MSH6: variants seen among roughly 807,000 people sequenced by gnomAD.
The protein encoded by MSH6 is mutS homolog 6.
A neutral mutation model predicts 119.1 loss-of-function variants in MSH6; 85 were observed. The ratio of observed to expected loss-of-function variants is 0.71; its 90% CI spans 0.60 to 0.85. MSH6 has a LOEUF of 0.85. Among genes scored for constraint, MSH6 ranks in the 40% least tolerant of loss-of-function variants. The probability of loss-of-function intolerance (pLI) is 0.00; values close to 1 mark genes in which losing one functional copy is unlikely to be tolerated. For missense variants in MSH6, 2,163 were observed against 1,655.3 expected, an observed-to-expected ratio of 1.31 and a Z score of -5.32; for synonymous variants, 830 against 586.9, an observed-to-expected ratio of 1.41 and a Z score of -5.99.
rs528399386 is a variant in MSH6 at position 47,806,793 on chromosome 2, C to G, written c.4016C>G (p.Ala1339Gly). The G allele has an allele frequency of 3.1e-6, 5 of 1,595,222 alleles. No individual in the cohort carries two copies. The South Asian group carries it at 4.5e-5, about 14-fold the overall frequency. Reference sequence around the variant, plus strand: ...TTAATTTTAAGGGAAGTTTGCCTGGCTAGTGAAAGGTCAACTGTAGATGCT... The same window carrying G: ...TTAATTTTAAGGGAAGTTTGCCTGGGTAGTGAAAGGTCAACTGTAGATGCT... ...SLRLFREVCL[A>G]SERSTVDAEA... The change falls in exon 10 of 10, where the codon GCT becomes GGT. Residue 1339 changes from alanine (A) to glycine (G), a missense_variant. Coordinates refer to ENST00000234420, the MANE Select transcript of MSH6 (RefSeq NM_000179.3).
chr2:47,793,655 A>G (rs894504450), intron 2 of MSH6, among the ~76,000 whole-genome samples: 10 of 151,864 alleles, frequency 6.6e-5, no homozygotes, highest in Non-Finnish European at 1.5e-4. Context: ...TAAATAAAGT[A>G]AAAAGATCTC....
Position 47,791,030 on chromosome 2 carries a change from G to A in MSH6, c.364G>A (p.Glu122Lys), listed in dbSNP as rs143036974. The A allele has an allele frequency of 2.7e-5, 43 of 1,614,106 alleles. No individual in the cohort carries two copies. In the Admixed American group the frequency reaches 3.7e-4, roughly 14 times the overall value. Residue 122 changes from glutamate to lysine, a missense_variant, in exon 2 of 10, where the codon GAG becomes AAG. Coordinates refer to ENST00000234420, the MANE Select transcript of MSH6 (RefSeq NM_000179.3). ...NHPFDGTFIR[E>K]KGKSVRVHVQ... ...CCCCTTTGATGGAACATTCATCCGC[G>A]AGAAAGGGAAATCAGTCCGTGTTCA...
At position 47,805,829 on chromosome 2, in the gene MSH6, C is replaced by G. The variant is rs1407956118; in HGVS notation, c.3646+122C>G. On this transcript the variant is annotated intron_variant, in intron 7 of 9. Transcript: ENST00000234420. Reference sequence around the variant, plus strand: ...AATATGAATGTTTTTAGAGCACGCACTCACCATTGTGGCACAGACCGATAG... The same window carrying G: ...AATATGAATGTTTTTAGAGCACGCAGTCACCATTGTGGCACAGACCGATAG... 3 of 827,666 alleles carry G rather than the reference C, an allele frequency of 3.6e-6. No homozygotes were observed. In the Admixed American group the frequency reaches 6.0e-5, roughly 16 times the overall value. The allele number at this position is 827,666 out of a possible 1,614,324, so 51.3% of individuals were successfully genotyped here.
chr2:47,796,672 T>C (rs1456806060), intron 3 of MSH6, among the ~76,000 whole-genome samples: 4 of 152,214 alleles, frequency 2.6e-5, no homozygotes, highest in Non-Finnish European at 5.9e-5. Context: ...AATTAAAACT[T>C]GTTAGGGGCC....
chr2:47,783,727 G>A lies in MSH6; in HGVS notation c.260+234G>A, dbSNP rs1334128253. On this transcript the variant is annotated intron_variant, in intron 1 of 9. Coordinates refer to ENST00000234420, the MANE Select transcript of MSH6 (RefSeq NM_000179.3). ...AGGCTGTGCAGGAAGAGGGCTGCAG[G>A]GGAGACGCGGAGAGTTCGGGCCTTT... The A allele has an allele frequency of 8.0e-6, 4 of 498,174 alleles. No homozygotes were observed. In the South Asian group the frequency reaches 2.4e-4, roughly 30 times the overall value. The allele number at this position is 498,174 out of a possible 1,614,324, so 30.9% of individuals were successfully genotyped here. A position where few individuals can be genotyped will look rare whatever the true frequency, so the allele number is the denominator to read the frequency against.
At chr2:47,808,484 C>T (rs567295575), downstream of MSH6, 2 of 1,439,474 alleles carry the variant, frequency 1.4e-6, no homozygotes, top group African/African-American at 1.4e-5. Flanking sequence ...GCAAAACATT[C>T]CATTCTGTTT....
At chr2:47,809,759 A>G (rs1196435297), downstream of MSH6, 4 of 1,210,344 alleles carry the variant, frequency 3.3e-6, no homozygotes, top group Non-Finnish European at 3.6e-6. Flanking sequence ...CTGCTTCTTA[A>G]AAACCTGAAA....
chr2:47,799,127 C>T lies in MSH6; in HGVS notation c.1144C>T (p.His382Tyr), dbSNP rs587779207. 1.3e-5 allele frequency: 21 copies of T among 1,614,028 alleles called. No homozygotes were observed. The highest frequency in any genetic ancestry group is 6.7e-5 in the East Asian group (3 of 44,898). Residue 382 changes from histidine (H) to tyrosine (Y), a missense_variant, in exon 4 of 10, where the codon CAC becomes TAC. Physicochemically the swap from His to Tyr is moderately conservative, Grantham distance 83. Transcript: ENST00000234420. ...TAAGGAGGAAAAGAGAAGAGATGAG[C>T]ACAGGAGGAGGCCTGATCACCCCGA... The part of the protein sequence containing the change: ...WLKEEKRRDE[H>Y]RRRPDHPDFD...
In MSH6 at chr2:47,800,629, T is replaced by C. The variant is rs1190330045; in HGVS notation, c.2646T>C (p.Phe882=). The C allele has an allele frequency of 1.2e-6, 2 of 1,614,214 alleles. No homozygotes were observed. The highest frequency in any genetic ancestry group is 3.3e-4 in the Middle Eastern group (2 of 6,062). The change falls in exon 4 of 10, where the codon TTT becomes TTC. Residue 882 remains phenylalanine (F), a synonymous_variant. Transcript: ENST00000234420. ...TCATGGAAGAAGTTGCTGATGGTTTTAAGTCTAAAATCCTTAAGCAGGTCA... is the reference window on the plus strand; with the variant it reads ...TCATGGAAGAAGTTGCTGATGGTTTCAAGTCTAAAATCCTTAAGCAGGTCA... The part of the protein sequence containing the change: ...IGIMEEVADG[F]KSKILKQVIS...
At chr2:47,792,789 C>T (rs1308250905) in intron 2 of MSH6, among the ~76,000 whole-genome samples, 1 of 151,740 alleles carries the variant, frequency 6.6e-6, no homozygotes, top group Non-Finnish European at 1.5e-5. Context: ...CTGTTTTAGC[C>T]TCCTCAGTAA....
In MSH6 at chr2:47,799,875, C is replaced by G. The variant is rs1159989759; in HGVS notation, c.1892C>G (p.Ser631Cys). ...CCCGGCTCCCAGTTTTGGGATGCAT[C>G]CAAAACTTTGAGAACTCTCCTTGAG... is the stretch of plus-strand genomic sequence containing the variant. ...LIPGSQFWDA[S>C]KTLRTLLEEE... The change falls in exon 4 of 10, where the codon TCC (serine) becomes TGC (cysteine). Residue 631 changes from serine to cysteine, a missense_variant. Physicochemically the swap from Ser to Cys is moderately radical, Grantham distance 112. Coordinates refer to ENST00000234420, the MANE Select transcript of MSH6 (RefSeq NM_000179.3). 3 of 1,614,104 alleles carry G rather than the reference C, an allele frequency of 1.9e-6. No homozygotes were observed. The highest frequency in any genetic ancestry group is 1.1e-5 in the South Asian group (1 of 91,076).
At chr2:47,795,796 G>C (rs541975434) in intron 2 of MSH6, 98 bp from the exon 3 acceptor site, 8 of 980,042 alleles carry the variant, frequency 8.2e-6, no homozygotes, top group Non-Finnish European at 1.3e-5. Context: ...ATAGAGATGG[G>C]GTTTGCTATG....
chr2:47,806,404 G>A (rs2104548790), intron 8 of MSH6, 46 bp downstream of exon 8: 3 of 1,612,348 alleles, frequency 1.9e-6, no homozygotes, highest in Non-Finnish European at 2.5e-6. Flanking sequence ...TTTTGAGAGG[G>A]CACTTCTCTT....
intron 2 of MSH6, among the ~76,000 whole-genome samples, chr2:47,793,315 T>TCC (rs1668855901): frequency 1.7e-5 from 1 of 58,256 alleles, no homozygotes; most frequent in Non-Finnish European, 3.3e-5. Context: ...AGCGAGACTG[T>TCC]CTCAAAAAAA....
chr2:47,791,185 A>G (rs2104116087), intron 2 of MSH6, 62 bp downstream of exon 2: 2 of 1,486,306 alleles, frequency 1.3e-6, no homozygotes, highest in South Asian at 2.3e-5. Context: ...TGAGAGAAAC[A>G]GACAGACAGG....
At chr2:47,784,033 G>GAGGTACTT in intron 1 of MSH6, 1 of 1,018,688 alleles carries the variant, frequency 9.8e-7, no homozygotes, top group Non-Finnish European at 1.2e-6. Context: ...GTAGTCGATC[G>GAGGTACTT]AGGTAGACAC....
rs1212607928 is a variant in MSH6, at chr2:47,795,992, G to C, written c.556G>C (p.Asp186His). The C allele has an allele frequency of 6.2e-7, 1 of 1,614,168 alleles. No homozygotes were observed. The highest frequency in any genetic ancestry group is 8.5e-7 in the Non-Finnish European group (1 of 1,180,038). Residue 186 changes from aspartate to histidine, a missense_variant, in exon 3 of 10, where the codon GAC becomes CAC. Asp to His is a moderately conservative substitution (Grantham distance 81). Transcript: ENST00000234420. ...ACGTGCAGATGAAGCCTTAAATAAA[G>C]ACAAGATTAAGAGGCTTGAATTGGC... ...MQRADEALNKDKIKRLELAVC... is the reference protein window; with the variant it reads ...MQRADEALNKHKIKRLELAVC...
chr2:47,783,351 G>T lies in MSH6; in HGVS notation c.118G>T (p.Ala40Ser), dbSNP rs754231971. ...CGGCCGTGCCGCCGCTGCCCCCGGG[G>T]CCTCTCCTTCCCCAGGCGGGGATGC... Reference protein sequence around the residue: ...EGGRAAAAPGASPSPGGDAAW... With the variant: ...EGGRAAAAPGSSPSPGGDAAW... Residue 40 changes from alanine (A) to serine (S), a missense_variant, in exon 1 of 10, where the codon GCC (alanine) becomes TCC (serine). Ala to Ser is a moderately conservative substitution (Grantham distance 99, BLOSUM62 1). Coordinates refer to ENST00000234420, the MANE Select transcript of MSH6 (RefSeq NM_000179.3). The T allele has an allele frequency of 6.2e-7, 1 of 1,608,318 alleles. No individual in the cohort carries two copies. Among genetic ancestry groups the T allele is most frequent in the Non-Finnish European group, 8.5e-7 (1 of 1,177,846 alleles).
chr2:47,804,069 G>A (rs3136353), intron 5 of MSH6, among the ~76,000 whole-genome samples: 7 of 152,098 alleles, frequency 4.6e-5, no homozygotes, highest in African/African-American at 1.7e-4. Flanking sequence ...AGGTAAGAAA[G>A]CAAATATAGT....
Sources: allele counts gnomAD v4.1 joint callset (sites outside exome capture counted in the v4.1 genomes callset), GRCh38; gene constraint gnomAD v4.1.1; transcripts MANE v1.5; gene names NCBI Gene and HGNC (gene_info 2026-07-23, HGNC 2026-07-21).